The following ASIC2 variants were observed in gnomAD, a reference collection of about 807,000 sequenced individuals.
ASIC2 encodes the protein acid-sensing ion channel 2.
In ASIC2, 25 loss-of-function variants were observed where a neutral mutation model predicts 57.3. The observed-to-expected ratio is 0.44, with a 90% CI of 0.32 to 0.61. The LOEUF is 0.61. ASIC2 is among the 20% of genes least tolerant of loss of function. The pLI is 0.06. For synonymous variants in ASIC2, 319 were observed against 307.5 expected (o/e 1.04, Z -0.39); for missense variants, 641 against 738.1 (o/e 0.87, Z 1.52).
chr17:33,365,378 G>T (rs909381372), intron 1 of ASIC2, among the ~76,000 whole-genome samples: 1 of 145,380 alleles, frequency 6.9e-6, no homozygotes, highest in Non-Finnish European at 1.5e-5. Context: ...TAGTAACTGG[G>T]TCTTGTTTTT....
intron 1 of ASIC2, among the ~76,000 whole-genome samples, chr17:33,686,024 G>A (rs1396007190): frequency 1.3e-5 from 2 of 152,176 alleles, no homozygotes; most frequent in Non-Finnish European, 2.9e-5. Context: ...GGCCAAGGCT[G>A]TTTCCCCACT....
intron 3 of ASIC2, among the ~76,000 whole-genome samples, chr17:33,049,812 G>T (rs778539878): frequency 5.9e-5 from 9 of 152,096 alleles, no homozygotes; most frequent in Non-Finnish European, 1.3e-4. Context: ...TAAAACAGGC[G>T]CTCCAAAGTG....
chr17:33,427,675 C>T (rs561801309), intron 1 of ASIC2, among the ~76,000 whole-genome samples: 4 of 152,304 alleles, frequency 2.6e-5, no homozygotes, highest in East Asian at 3.9e-4. Context: ...AAGGCAGAGC[C>T]TCAGCCCCAA....
intron 1 of ASIC2, among the ~76,000 whole-genome samples, chr17:33,299,978 C>T (rs1442059087): frequency 6.6e-6 from 1 of 152,210 alleles, no homozygotes; most frequent in East Asian, 1.9e-4. Flanking sequence ...AACCAGAATC[C>T]AGGTTCCAAC....
intron 1 of ASIC2, among the ~76,000 whole-genome samples, chr17:33,453,839 T>C (rs1912354682): frequency 6.6e-6 from 1 of 152,198 alleles, no homozygotes; most frequent in South Asian, 2.1e-4. Context: ...CACTGTGGAT[T>C]AGTTTGCATT....
chr17:33,345,768 G>A (rs562694538), intron 1 of ASIC2, among the ~76,000 whole-genome samples: 66 of 152,292 alleles, frequency 4.3e-4, no homozygotes, highest in Non-Finnish European at 7.4e-4. Flanking sequence ...GGTTTAAATG[G>A]GAGTGATATG....
intron 1 of ASIC2, among the ~76,000 whole-genome samples, chr17:33,695,058 T>C (rs1053334482): frequency 5.3e-5 from 8 of 152,154 alleles, no homozygotes; most frequent in African/African-American, 1.7e-4. Context: ...AAACAGAAAT[T>C]GTATGGGAAA....
intron 1 of ASIC2, among the ~76,000 whole-genome samples, chr17:33,131,069 C>G (rs1029638691): frequency 6.6e-6 from 1 of 152,092 alleles, no homozygotes; most frequent in African/African-American, 2.4e-5. Context: ...AATGTGGGCA[C>G]CTGGCATAGA....
intron 1 of ASIC2, among the ~76,000 whole-genome samples, chr17:33,185,585 C>T (rs948160690): frequency 6.6e-6 from 1 of 152,100 alleles, no homozygotes; most frequent in Non-Finnish European, 1.5e-5. Flanking sequence ...AGCTGGCAGT[C>T]TTCCTGAGTT....
chr17:33,671,141 C>CA (rs776061117), intron 1 of ASIC2, among the ~76,000 whole-genome samples: 1 of 152,164 alleles, frequency 6.6e-6, no homozygotes, highest in Non-Finnish European at 1.5e-5. Flanking sequence ...GATAGAAACT[C>CA]AGAGACTTAC....
chr17:33,810,855 C>T (rs941958822), intron 1 of ASIC2, among the ~76,000 whole-genome samples: 5 of 144,852 alleles, frequency 3.5e-5, no homozygotes, highest in East Asian at 2.0e-4. Context: ...TTTTCCAAAA[C>T]GAACTATGCA....
chr17:33,558,233 T>G (rs1188679708), intron 1 of ASIC2, among the ~76,000 whole-genome samples: 1 of 150,040 alleles, frequency 6.7e-6, no homozygotes, highest in African/African-American at 2.4e-5. Flanking sequence ...AGTCCGACCC[T>G]GTGGGGCTGG....
At chr17:33,349,334 G>T (rs1326229654) in intron 1 of ASIC2, among the ~76,000 whole-genome samples, 1 of 152,226 alleles carries the variant, frequency 6.6e-6, no homozygotes, top group Non-Finnish European at 1.5e-5. Flanking sequence ...ACCACTGCTT[G>T]TGATTTCTGA....
intron 3 of ASIC2, among the ~76,000 whole-genome samples, chr17:33,059,053 T>A (rs949001028): frequency 2.0e-5 from 3 of 152,058 alleles, no homozygotes; most frequent in African/African-American, 7.3e-5. Flanking sequence ...TGTATGGTTA[T>A]GGCTCTAAAA....
intron 1 of ASIC2, among the ~76,000 whole-genome samples, chr17:33,155,037 G>A (rs1031355448): frequency 2.0e-5 from 3 of 152,210 alleles, no homozygotes; most frequent in Admixed American, 2.0e-4. Flanking sequence ...GGCGGCGGCA[G>A]CGTCTTTTCT....
intron 1 of ASIC2, among the ~76,000 whole-genome samples, chr17:33,360,304 T>C (rs950829121): frequency 3.9e-5 from 6 of 152,142 alleles, no homozygotes; most frequent in African/African-American, 1.4e-4. Context: ...GTAGTGAAGG[T>C]AGAATTTGAA....
chr17:34,128,432 C>T (rs1911853105), intron 1 of ASIC2, among the ~76,000 whole-genome samples: 1 of 152,156 alleles, frequency 6.6e-6, no homozygotes, highest in South Asian at 2.1e-4. Flanking sequence ...TTGGGCCACC[C>T]GCTGCAGTGT....
intron 1 of ASIC2, 75 bp downstream of exon 1, chr17:33,291,333 G>T: frequency 6.6e-7 from 1 of 1,505,408 alleles, no homozygotes. Flanking sequence ...AGCCCCGAGG[G>T]GGCGGAACAC....
intron 1 of ASIC2, chr17:34,069,348 T>TTTTG: frequency 8.6e-5 from 3 of 35,080 alleles, no homozygotes; most frequent in Non-Finnish European, 2.1e-4. Context: ...TTTCATTTTT[T>TTTTG]TCTTTCTTTT....
Sources: gnomAD v4.1 joint callset for allele counts (sites outside exome capture counted in the v4.1 genomes callset) on GRCh38, gnomAD v4.1.1 for gene constraint, MANE v1.5 for transcripts, NCBI Gene and HGNC (gene_info 2026-07-23, HGNC 2026-07-21) for gene names.